Variants in KIRREL3 observed in about 807,000 individuals in gnomAD.
KIRREL3 encodes the protein kin of IRRE-like protein 3.
KIRREL3 carries 36 observed loss-of-function variants against 89.7 expected under a neutral mutation model. That is an observed-to-expected ratio of 0.40 (90% CI 0.31 to 0.53). The LOEUF (loss-of-function observed/expected upper bound fraction) is 0.53, where lower values mean the gene tolerates loss of function less well. KIRREL3 is among the 20% of genes least tolerant of loss of function. KIRREL3 has a pLI of 0.49. For missense variants in KIRREL3, 864 were observed against 1,056.6 expected, an observed-to-expected ratio of 0.82 and a Z score of 2.53; for synonymous variants, 445 against 441.4, an observed-to-expected ratio of 1.01 and a Z score of -0.10.
chr11:126,853,292 T>C (rs1348794295), intron 1 of KIRREL3, among the ~76,000 whole-genome samples: 5 of 152,222 alleles, frequency 3.3e-5, no homozygotes, highest in Admixed American at 2.0e-4. Flanking sequence ...TTTTGGCATA[T>C]AGGAAACTTG....
chr11:126,820,884 C>T (rs189168670), intron 1 of KIRREL3, among the ~76,000 whole-genome samples: 2 of 152,156 alleles, frequency 1.3e-5, no homozygotes, highest in Non-Finnish European at 2.9e-5. Flanking sequence ...TTGACAGCTA[C>T]CTTGAGTTTT....
upstream of KIRREL3, among the ~76,000 whole-genome samples, chr11:127,001,499 T>C (rs1168712513): frequency 1.3e-5 from 2 of 152,122 alleles, no homozygotes; most frequent in East Asian, 3.9e-4. Flanking sequence ...GTCTTTGCAT[T>C]CAGAGCCTCT....
At chr11:126,599,061 A>G (rs1165423057) in intron 1 of KIRREL3, among the ~76,000 whole-genome samples, 4 of 152,218 alleles carry the variant, frequency 2.6e-5, no homozygotes, top group Non-Finnish European at 5.9e-5. Context: ...TAGAGACACA[A>G]TAGCTTTTCC....
In KIRREL3 at chr11:126,883,908, T is replaced by C. The variant is rs1235661163; in HGVS notation, c.55+116547A>G. On this transcript the variant is annotated intron_variant, in intron 1 of 16. Transcript: ENST00000525144. This position sits in a 1 kb window ranked among gnomAD's most constrained non-coding sequence, Gnocchi z 4.1. ...TAGGTTTTGAATCGATACAAAGAAC[T>C]TTCTGATCACTGGAGCAGTTCAACA... is the stretch of plus-strand genomic sequence containing the variant. 6.6e-6 allele frequency among the ~76,000 whole-genome samples: 1 copy of C among 152,178 alleles called. No homozygotes were observed. The highest frequency in any genetic ancestry group is 2.4e-5 in the African/African-American group (1 of 41,432).
In KIRREL3 at chr11:126,805,093, C is replaced by T. The variant is rs191999516; in HGVS notation, c.55+195362G>A. On this transcript the variant is annotated intron_variant, in intron 1 of 16. Coordinates refer to ENST00000525144, the MANE Select transcript of KIRREL3 (RefSeq NM_032531.4). This position sits in a 1 kb window ranked among gnomAD's most constrained non-coding sequence, Gnocchi z 4.3. ...GGTGTGTGGTAACCTGCAATGTTTTCGTAGGTGTGTGGTAACCTGCAATGA... is the reference window on the plus strand; with the variant it reads ...GGTGTGTGGTAACCTGCAATGTTTTTGTAGGTGTGTGGTAACCTGCAATGA... 6.9e-4 allele frequency among the ~76,000 whole-genome samples: 105 copies of T among 152,072 alleles called. No homozygotes were observed. The highest frequency in any genetic ancestry group is 2.2e-3 in the Admixed American group (33 of 15,272).
rs1232270237 is a variant in KIRREL3 at position 126,471,002 on chromosome 11, C to A, written c.591+2307G>T. Among the ~76,000 whole-genome samples the A allele has an allele frequency of 6.6e-6, 1 of 152,140 alleles. No homozygotes were observed. Among genetic ancestry groups the A allele is most frequent in the African/African-American group, 2.4e-5 (1 of 41,414 alleles). ...GGTGGGGGCTGTTTAAAAATGTACCCAGAATTTTGTTTTTATTCAGGTAGA... is the reference window on the plus strand; with the variant it reads ...GGTGGGGGCTGTTTAAAAATGTACCAAGAATTTTGTTTTTATTCAGGTAGA... On this transcript the variant is annotated intron_variant, in intron 5 of 16. Transcript: ENST00000525144. The surrounding 1 kb of genome is among the most constrained non-coding windows in gnomAD (Gnocchi z 5.4).
chr11:126,607,434 G>A lies in KIRREL3; in HGVS notation c.56-44522C>T, dbSNP rs1020140401. 6.6e-6 allele frequency among the ~76,000 whole-genome samples: 1 copy of A among 152,104 alleles called. No individual in the cohort carries two copies. Among genetic ancestry groups the A allele is most frequent in the Admixed American group, 6.5e-5 (1 of 15,282 alleles). On this transcript the variant is annotated intron_variant, in intron 1 of 16. Coordinates refer to ENST00000525144, the MANE Select transcript of KIRREL3 (RefSeq NM_032531.4). The surrounding 1 kb of genome is among the most constrained non-coding windows in gnomAD (Gnocchi z 6.6). ...GAAGGAGAGATCCACATCTGGCTCC[G>A]AGCTGACTCTCGGTGACCATGACCA...
chr11:126,888,784 T>A (rs1945795011), intron 1 of KIRREL3, among the ~76,000 whole-genome samples: 2 of 152,310 alleles, frequency 1.3e-5, no homozygotes, highest in South Asian at 2.1e-4. Flanking sequence ...CCTAGAGCAG[T>A]AGCACTGACC....
In KIRREL3 at chr11:126,689,470, A is replaced by G. The variant is rs79943029; in HGVS notation, c.56-126558T>C. Among the ~76,000 whole-genome samples, 543 of 152,290 alleles carry G rather than the reference A, an allele frequency of 3.6e-3. 3 individuals are homozygous for G. Among genetic ancestry groups the G allele is most frequent in the African/African-American group, 0.012 (515 of 41,560 alleles). ...GGGCTAGGCCACTTCTGCTCCTTGC[A>G]AGCTCCAAAGAGGAGGTCTCCTATG... On this transcript the variant is annotated intron_variant, in intron 1 of 16. Coordinates refer to ENST00000525144, the MANE Select transcript of KIRREL3 (RefSeq NM_032531.4). The surrounding 1 kb of genome is among the most constrained non-coding windows in gnomAD (Gnocchi z 5.2).
rs1246754241 is a variant in KIRREL3, at chr11:126,594,961, C to G, written c.56-32049G>C. Reference sequence around the variant, plus strand: ...AGTCACTTTGCAGCTGCCCTGGGCCCTCGGACCCTCAGGGGCCTTCTGGGT... The same window carrying G: ...AGTCACTTTGCAGCTGCCCTGGGCCGTCGGACCCTCAGGGGCCTTCTGGGT... On this transcript the variant is annotated intron_variant, in intron 1 of 16. Transcript: ENST00000525144. The surrounding 1 kb of genome is among the most constrained non-coding windows in gnomAD (Gnocchi z 5.0). 6.6e-6 allele frequency among the ~76,000 whole-genome samples: 1 copy of G among 152,218 alleles called. No individual in the cohort carries two copies. The highest frequency in any genetic ancestry group is 1.5e-5 in the Non-Finnish European group (1 of 68,034).
At chr11:126,787,987 C>T (rs1194747587) in intron 1 of KIRREL3, among the ~76,000 whole-genome samples, 2 of 152,212 alleles carry the variant, frequency 1.3e-5, no homozygotes, top group Non-Finnish European at 2.9e-5. Flanking sequence ...CTATTATCAT[C>T]ATCACCCCCA....
chr11:126,443,527 C>T lies in KIRREL3; in HGVS notation c.1252+1452G>A, dbSNP rs1342717711. On this transcript the variant is annotated intron_variant, in intron 10 of 16. Coordinates refer to ENST00000525144, the MANE Select transcript of KIRREL3 (RefSeq NM_032531.4). The surrounding 1 kb of genome is among the most constrained non-coding windows in gnomAD (Gnocchi z 7.3). ...CTCTGCCAGGACAGGTGGCTGTGAA[C>T]GTGCTGGGGTCTGGGTAGACTCAGC... Among the ~76,000 whole-genome samples the T allele has an allele frequency of 6.7e-6, 1 of 150,342 alleles. No individual in the cohort carries two copies. The highest frequency in any genetic ancestry group is 2.4e-5 in the African/African-American group (1 of 40,892).
chr11:126,450,507 ATGTGTGTG>A (rs372083696), intron 7 of KIRREL3, among the ~76,000 whole-genome samples: 3 of 120,560 alleles, frequency 2.5e-5, no homozygotes, highest in Admixed American at 7.8e-5. Context: ...GCATGTGTGC[ATGTGTGTG>A]TGTGCATCTG....
intron 4 of KIRREL3, among the ~76,000 whole-genome samples, chr11:126,483,645 C>T (rs1957278154): frequency 6.6e-6 from 1 of 152,234 alleles, no homozygotes; most frequent in Non-Finnish European, 1.5e-5. Flanking sequence ...AAAATCAATT[C>T]CTCATCATGG....
rs186518093 is a variant in KIRREL3 at position 126,478,041 on chromosome 11, C to T, written c.434-4575G>A. 5.3e-4 allele frequency among the ~76,000 whole-genome samples: 80 copies of T among 152,378 alleles called. No homozygotes were observed. In the East Asian group the frequency reaches 7.9e-3, roughly 15 times the overall value. On this transcript the variant is annotated intron_variant, in intron 4 of 16. Transcript: ENST00000525144. ...TAGGTGTTGCCTGCAAGCACCAGCA[C>T]TTACGGCCCTCGCTGCCCCTGGGGC...
At chr11:126,962,467 C>T (rs1167538963) in intron 1 of KIRREL3, among the ~76,000 whole-genome samples, 3 of 152,114 alleles carry the variant, frequency 2.0e-5, no homozygotes, top group Non-Finnish European at 2.9e-5. Flanking sequence ...AAGATATGAC[C>T]GAATTGCTGC....
intron 7 of KIRREL3, among the ~76,000 whole-genome samples, chr11:126,450,961 GTGTGCATGCATGGGTGTGTGCA>G (rs1412943391): frequency 6.6e-6 from 1 of 151,118 alleles, no homozygotes; most frequent in African/African-American, 2.4e-5. Context: ...ATGTGTGAGC[GTGTGCATGCATGGGTGTGTGCA>G]TGTGTCAATG....
chr11:126,457,255 G>GCA (rs1956387884), intron 6 of KIRREL3, among the ~76,000 whole-genome samples: 2 of 143,642 alleles, frequency 1.4e-5, no homozygotes, highest in Non-Finnish European at 3.1e-5. Context: ...GTGTGTGTAT[G>GCA]TGTGTATGCA....
chr11:126,680,182 A>C (rs1056823577), intron 1 of KIRREL3, among the ~76,000 whole-genome samples: 10 of 152,206 alleles, frequency 6.6e-5, no homozygotes, highest in Non-Finnish European at 1.2e-4. Flanking sequence ...CATATAACAG[A>C]TGCTCAGTAA....
Sources: gnomAD v4.1 joint callset for allele counts (sites outside exome capture counted in the v4.1 genomes callset) on GRCh38, gnomAD v4.1.1 for gene constraint, Gnocchi (gnomAD v3.1) non-coding constraint, MANE v1.5 for transcripts, NCBI Gene and HGNC (gene_info 2026-07-23, HGNC 2026-07-21) for gene names.